EYA1: variants seen among roughly 807,000 people sequenced by gnomAD.
The protein encoded by EYA1 is protein phosphatase EYA1.
EYA1 carries 16 observed loss-of-function variants against 82.0 expected under a neutral mutation model. The observed-to-expected ratio is 0.20, with a 90% CI of 0.13 to 0.30. The LOEUF (loss-of-function observed/expected upper bound fraction) is 0.30. EYA1 is among the 10% of genes least tolerant of loss of function. The pLI, the probability that EYA1 is intolerant of heterozygous loss-of-function variation, is 1.00. For synonymous variants in EYA1, 261 were observed against 264.4 expected (o/e 0.99, Z 0.12); for missense variants, 633 against 730.7 (o/e 0.87, Z 1.54).
At chr8:71,354,960 A>T in intron 2 of EYA1, 51 bp from the exon 3 acceptor site, 1 of 1,584,228 alleles carries the variant, frequency 6.3e-7, no homozygotes, top group Non-Finnish European at 8.7e-7. Context: ...TCATAACACC[A>T]CCATTTAATG....
chr8:71,462,512 A>G (rs1021967245), intron 2 of EYA1, among the ~76,000 whole-genome samples: 1 of 152,162 alleles, frequency 6.6e-6, no homozygotes, highest in Non-Finnish European at 1.5e-5. Context: ...AGTGCCTTGG[A>G]GGGCAGGACT....
At chr8:71,430,192 T>C (rs191006836) in intron 2 of EYA1, among the ~76,000 whole-genome samples, 266 of 152,342 alleles carry the variant, frequency 1.7e-3, no homozygotes, top group African/African-American at 6.2e-3. Context: ...TATTAAAGAC[T>C]TATGTGCCAA....
intron 2 of EYA1, among the ~76,000 whole-genome samples, chr8:71,393,404 T>G (rs1401419671): frequency 6.6e-6 from 1 of 152,088 alleles, no homozygotes; most frequent in Non-Finnish European, 1.5e-5. Context: ...CGTTAACTCC[T>G]CATTTACATT....
chr8:71,266,085 A>G (rs1815765830), intron 11 of EYA1, among the ~76,000 whole-genome samples: 1 of 152,196 alleles, frequency 6.6e-6, no homozygotes, highest in South Asian at 2.1e-4. Flanking sequence ...CCTCTTACTG[A>G]ATGGCCTACT....
chr8:71,501,946 T>G (rs1395279661), intron 2 of EYA1, among the ~76,000 whole-genome samples: 1 of 152,214 alleles, frequency 6.6e-6, no homozygotes, highest in East Asian at 1.9e-4. Context: ...ACACCATAAT[T>G]TTTTAGACTC....
At chr8:71,530,968 T>C (rs1276499427) in intron 2 of EYA1, 1 of 152,212 alleles carries the variant, frequency 6.6e-6, no homozygotes, top group Non-Finnish European at 1.5e-5. Context: ...GTTAAGTATC[T>C]ACCATTTATA....
intron 2 of EYA1, among the ~76,000 whole-genome samples, chr8:71,389,140 TA>T (rs1334611760): frequency 3.9e-5 from 6 of 152,006 alleles, no homozygotes; most frequent in Non-Finnish European, 7.4e-5. Context: ...GTTTCTGCCA[TA>T]ACCCCCAAAC....
chr8:71,332,045 G>T (rs1823939866), intron 4 of EYA1, among the ~76,000 whole-genome samples: 1 of 151,894 alleles, frequency 6.6e-6, no homozygotes, highest in South Asian at 2.1e-4. Flanking sequence ...GTAGAGACAG[G>T]TCTCCCTGTG....
At chr8:71,521,966 A>G (rs1185392143) in intron 2 of EYA1, among the ~76,000 whole-genome samples, 2 of 152,186 alleles carry the variant, frequency 1.3e-5, no homozygotes, top group Non-Finnish European at 2.9e-5. Flanking sequence ...TGAAGCTTAT[A>G]AAGCTTATTG....
chr8:71,531,723 C>A (rs1317813726), intron 2 of EYA1, among the ~76,000 whole-genome samples: 2 of 152,098 alleles, frequency 1.3e-5, no homozygotes, highest in African/African-American at 2.4e-5. Context: ...CTGCTAAGAG[C>A]GTGGAACTGT....
chr8:71,286,103 T>C (rs946891238), intron 9 of EYA1, among the ~76,000 whole-genome samples: 3 of 152,200 alleles, frequency 2.0e-5, no homozygotes, highest in African/African-American at 4.8e-5. Flanking sequence ...GCTCATGGTG[T>C]GCATGAGATG....
At chr8:71,207,811 A>G (rs200783522) in intron 17 of EYA1, among the ~76,000 whole-genome samples, 1 of 113,270 alleles carries the variant, frequency 8.8e-6, no homozygotes, top group African/African-American at 2.8e-5. Context: ...TAAAAAAAAA[A>G]GGATTTTCCA....
Position 71,199,169 on chromosome 8 carries a change from T to C in EYA1, c.*171A>G. 4.5e-6 allele frequency: 3 copies of C among 673,834 alleles called. No homozygotes were observed. In the South Asian group the frequency reaches 4.8e-5, roughly 11 times the overall value. The allele number at this position is 673,834 out of a possible 1,614,324, so 41.7% of individuals were successfully genotyped here. On this transcript the variant is annotated 3_prime_UTR_variant, in exon 18 of 18. Transcript: ENST00000340726. The stretch of plus-strand genomic sequence containing the variant: ...AGAGTCAACAGCTGTTCTGATGAAA[T>C]AGACGTGGTCCTCCATTCACCACAA...
rs1245386561 is a variant in EYA1, at chr8:71,344,787, G to A, written c.124+9995C>T. Among the ~76,000 whole-genome samples, 5 of 152,338 alleles carry A rather than the reference G, an allele frequency of 3.3e-5. No individual in the cohort carries two copies. The East Asian group carries it at 9.6e-4, about 29-fold the overall frequency. ...GTGGTAAAATAAACTAGTGCATGAA[G>A]ATTGGAAGCAGATGAGCTGGCTCAG... On this transcript the variant is annotated intron_variant, in intron 3 of 17. Transcript: ENST00000340726.
At chr8:71,412,010 A>C (rs1341368054) in intron 2 of EYA1, among the ~76,000 whole-genome samples, 1 of 152,026 alleles carries the variant, frequency 6.6e-6, no homozygotes, top group East Asian at 1.9e-4. Flanking sequence ...CTGCATTAAG[A>C]AAATGTGGCA....
At chr8:71,472,905 A>C (rs1387474890) in intron 2 of EYA1, among the ~76,000 whole-genome samples, 1 of 151,254 alleles carries the variant, frequency 6.6e-6, no homozygotes, top group East Asian at 1.9e-4. Context: ...AAAACACTGT[A>C]TAATTGGGGT....
At chr8:71,464,633 C>A (rs570631904) in intron 2 of EYA1, among the ~76,000 whole-genome samples, 1 of 152,124 alleles carries the variant, frequency 6.6e-6, no homozygotes, top group African/African-American at 2.4e-5. Flanking sequence ...AATTCTTTAT[C>A]ATCAAAATTT....
intron 2 of EYA1, among the ~76,000 whole-genome samples, chr8:71,512,714 C>T (rs542666198): frequency 1.3e-5 from 2 of 151,780 alleles, no homozygotes; most frequent in Non-Finnish European, 2.9e-5. Context: ...ATGAAACAGA[C>T]CAAAATTTTA....
intron 17 of EYA1, among the ~76,000 whole-genome samples, chr8:71,209,460 C>T (rs1353544689): frequency 6.6e-6 from 1 of 152,166 alleles, no homozygotes; most frequent in Non-Finnish European, 1.5e-5. Context: ...ACCAACCAGA[C>T]TCACGCAGGT....
Sources: gnomAD v4.1 joint callset for allele counts (sites outside exome capture counted in the v4.1 genomes callset) on GRCh38, gnomAD v4.1.1 for gene constraint, MANE v1.5 for transcripts, NCBI Gene and HGNC (gene_info 2026-07-23, HGNC 2026-07-21) for gene names.